Variants in KLHL1 observed in about 807,000 individuals in gnomAD.
KLHL1 encodes kelch like family member 1, also known as kelch-like protein 1.
Under a neutral mutation model 77.7 loss-of-function variants are expected in KLHL1, and 47 were observed. The ratio of observed to expected loss-of-function variants is 0.60; its 90% CI spans 0.48 to 0.77. The LOEUF is 0.77. KLHL1 is among the 30% of genes least tolerant of loss of function. The pLI is 0.00. For missense variants in KLHL1, 925 were observed against 910.8 expected (o/e 1.02, Z -0.20); for synonymous variants, 360 against 325.2 (o/e 1.11, Z -1.15).
intron 1 of KLHL1, among the ~76,000 whole-genome samples, chr13:69,999,598 CA>C (rs2137323659): frequency 6.6e-6 from 1 of 152,076 alleles, no homozygotes; most frequent in East Asian, 1.9e-4. Flanking sequence ...AAGCAAAAAT[CA>C]GGTTGTTTGT....
chr13:69,785,714 C>G (rs1354818300), intron 7 of KLHL1, among the ~76,000 whole-genome samples: 1 of 151,892 alleles, frequency 6.6e-6, no homozygotes, highest in African/African-American at 2.4e-5. Flanking sequence ...TTAATGAATC[C>G]AGGAGCTGCT....
intron 8 of KLHL1, among the ~76,000 whole-genome samples, chr13:69,721,147 T>C (rs1406357507): frequency 8.9e-6 from 1 of 111,886 alleles, no homozygotes; most frequent in African/African-American, 3.3e-5. Context: ...CTCAAAGTCA[T>C]CCCTCTGCTC....
intron 1 of KLHL1, among the ~76,000 whole-genome samples, chr13:70,062,268 A>G (rs1886909594): frequency 6.6e-6 from 1 of 152,190 alleles, no homozygotes; most frequent in Non-Finnish European, 1.5e-5. Flanking sequence ...TGAACAATTT[A>G]TATTTGAGAT....
Position 69,787,149 on chromosome 13 carries a change from GA to G in KLHL1, c.1639+9588del, listed in dbSNP as rs1173537575. Among the ~76,000 whole-genome samples the G allele has an allele frequency of 2.6e-5, 4 of 152,038 alleles. 1 individual carries two copies. The highest frequency in any genetic ancestry group is 4.1e-4 in the South Asian group (2 of 4,824). On this transcript the variant is annotated intron_variant, in intron 7 of 10. Transcript: ENST00000377844. ...ACCAGTGACTTTCTTCACAGAATTG[GA>G]AAAAACTACTTTAAAGTTCATATGG...
At chr13:70,084,782 T>G (rs1314920903) in intron 1 of KLHL1, among the ~76,000 whole-genome samples, 2 of 151,758 alleles carry the variant, frequency 1.3e-5, no homozygotes, top group African/African-American at 4.8e-5. Flanking sequence ...GCCGTCTATT[T>G]CATATTTTCT....
At chr13:69,863,535 C>A (rs539896142) in intron 5 of KLHL1, among the ~76,000 whole-genome samples, 1 of 151,568 alleles carries the variant, frequency 6.6e-6, no homozygotes. Context: ...ATTGGTAAAA[C>A]CTGGACTTCA....
chr13:70,038,918 T>G (rs1192836248), intron 1 of KLHL1, among the ~76,000 whole-genome samples: 1 of 152,136 alleles, frequency 6.6e-6, no homozygotes, highest in Non-Finnish European at 1.5e-5. Context: ...AATACACGTA[T>G]CTTCATATCC....
At chr13:69,805,406 A>G (rs1234951963) in intron 6 of KLHL1, among the ~76,000 whole-genome samples, 1 of 152,002 alleles carries the variant, frequency 6.6e-6, no homozygotes, top group Non-Finnish European at 1.5e-5. Context: ...GCTCATAACC[A>G]AGGAAACAAA....
intron 3 of KLHL1, among the ~76,000 whole-genome samples, chr13:69,948,447 T>C (rs1883599672): frequency 6.6e-6 from 1 of 152,024 alleles, no homozygotes; most frequent in Non-Finnish European, 1.5e-5. Context: ...TTTGATCCTA[T>C]AAACTGCTTA....
At chr13:69,749,711 C>G (rs1874389481) in intron 7 of KLHL1, among the ~76,000 whole-genome samples, 1 of 151,976 alleles carries the variant, frequency 6.6e-6, no homozygotes, top group African/African-American at 2.4e-5. Context: ...TCTGTCTATA[C>G]AGATCATTCC....
At chr13:70,064,794 G>C (rs988884033) in intron 1 of KLHL1, among the ~76,000 whole-genome samples, 12 of 152,174 alleles carry the variant, frequency 7.9e-5, no homozygotes, top group African/African-American at 2.9e-4. Context: ...AGCAGGGTGA[G>C]AGAAACTGAA....
chr13:69,731,176 A>G (rs1266277686), intron 8 of KLHL1, among the ~76,000 whole-genome samples: 1 of 152,156 alleles, frequency 6.6e-6, no homozygotes, highest in Non-Finnish European at 1.5e-5. Flanking sequence ...GAGTAAAGTG[A>G]CAATATTAAC....
intron 1 of KLHL1, among the ~76,000 whole-genome samples, chr13:70,082,234 T>C (rs1473096975): frequency 6.6e-6 from 1 of 151,956 alleles, no homozygotes; most frequent in East Asian, 1.9e-4. Context: ...GTTTCAAGTA[T>C]TTCTTTATAG....
chr13:69,723,233 A>G (rs1185505835), intron 8 of KLHL1, among the ~76,000 whole-genome samples: 1 of 152,086 alleles, frequency 6.6e-6, no homozygotes, highest in Non-Finnish European at 1.5e-5. Flanking sequence ...TGCAGTTAGG[A>G]GAAATAACTT....
At chr13:69,963,015 G>GT (rs1242298434) in intron 2 of KLHL1, among the ~76,000 whole-genome samples, 1 of 151,952 alleles carries the variant, frequency 6.6e-6, no homozygotes, top group Non-Finnish European at 1.5e-5. Flanking sequence ...ATTTTCCAAA[G>GT]TTTTTTTCAC....
intron 1 of KLHL1, among the ~76,000 whole-genome samples, chr13:69,980,411 T>C (rs1225849123): frequency 6.6e-6 from 1 of 152,184 alleles, no homozygotes; most frequent in African/African-American, 2.4e-5. Flanking sequence ...GGCAAATCCA[T>C]ATCACACATT....
chr13:69,779,465 TTTTCCTTTTACTGTTGC>T (rs1222773250), intron 7 of KLHL1, among the ~76,000 whole-genome samples: 1 of 151,638 alleles, frequency 6.6e-6, no homozygotes, highest in Non-Finnish European at 1.5e-5. Context: ...TTTACTGTTG[TTTTCCTTTTACTGTTGC>T]TTTCCTTTTC....
At chr13:70,085,444 T>C (rs1160737679) in intron 1 of KLHL1, among the ~76,000 whole-genome samples, 1 of 152,174 alleles carries the variant, frequency 6.6e-6, no homozygotes, top group Non-Finnish European at 1.5e-5. Flanking sequence ...AACATGTAAG[T>C]CAAAGAAAAA....
At chr13:70,060,160 A>G (rs143012689) in intron 1 of KLHL1, among the ~76,000 whole-genome samples, 36 of 152,348 alleles carry the variant, frequency 2.4e-4, no homozygotes, top group African/African-American at 8.2e-4. Context: ...AAACAGGTGT[A>G]TGAAAAGGTG....
Sources: gnomAD v4.1 joint callset for allele counts (sites outside exome capture counted in the v4.1 genomes callset) on GRCh38, gnomAD v4.1.1 for gene constraint, MANE v1.5 for transcripts, NCBI Gene and HGNC (gene_info 2026-07-23, HGNC 2026-07-21) for gene names.